CHLSN: variants seen among roughly 807,000 people sequenced by gnomAD.
CHLSN encodes the protein protein cholesin.
At chr7:1,002,473 T>C in the CHLSN span, among the ~76,000 whole-genome samples, 3 of 67,962 alleles carry the variant, frequency 4.4e-5, no homozygotes, top group Non-Finnish European at 8.5e-5. Context: ...GTGAGTGGAG[T>C]CCTGTGGGTG....
At chr7:1,087,444 AC>A in the CHLSN span, among the ~76,000 whole-genome samples, 1 of 152,258 alleles carries the variant, frequency 6.6e-6, no homozygotes, top group African/African-American at 2.4e-5. Context: ...TGTGTTTCAT[AC>A]ACACCTTATA....
chr7:1,007,706 T>A, the CHLSN span, among the ~76,000 whole-genome samples: 1 of 152,044 alleles, frequency 6.6e-6, no homozygotes. Context: ...TCCCCCCTCC[T>A]CCCACACGCA....
the CHLSN span, chr7:1,093,703 A>G: frequency 2.1e-6 from 1 of 468,524 alleles, no homozygotes; most frequent in African/African-American, 2.0e-5. Context: ...CAGAAATAAC[A>G]GCTGGGGACA....
the CHLSN span, among the ~76,000 whole-genome samples, chr7:1,097,265 A>C: frequency 6.6e-6 from 1 of 152,110 alleles, no homozygotes; most frequent in African/African-American, 2.4e-5. The surrounding 1 kb of genome is among the most constrained non-coding windows in gnomAD (Gnocchi z 4.3). Flanking sequence ...GAAATGGCTG[A>C]TTTGGGCCGG....
chr7:978,528 A>ACCCGCCACCTGCCACCC, the CHLSN span, among the ~76,000 whole-genome samples: 1 of 152,194 alleles, frequency 6.6e-6, no homozygotes, highest in Admixed American at 6.5e-5. Context: ...ACAAGAAAAA[A>ACCCGCCACCTGCCACCC]GGAAAAGCTC....
the CHLSN span, among the ~76,000 whole-genome samples, chr7:1,120,665 A>G: frequency 6.6e-6 from 1 of 152,256 alleles, no homozygotes; most frequent in Non-Finnish European, 1.5e-5. Context: ...ACGAAAGCAT[A>G]GAAAGTCACA....
chr7:1,064,309 C>T, the CHLSN span, among the ~76,000 whole-genome samples: 4 of 152,112 alleles, frequency 2.6e-5, no homozygotes, highest in Non-Finnish European at 5.9e-5. Flanking sequence ...GAACAGGCCC[C>T]GGAAAGACGC....
At chr7:1,113,209 CT>C in the CHLSN span, among the ~76,000 whole-genome samples, 792 of 144,496 alleles carry the variant, frequency 5.5e-3, no homozygotes, top group Admixed American at 5.4e-3. Flanking sequence ...GCCCCTCATG[CT>C]TTTTTTTTTT....
At chr7:1,070,687 C>G in the CHLSN span, among the ~76,000 whole-genome samples, 3 of 147,740 alleles carry the variant, frequency 2.0e-5, no homozygotes, top group African/African-American at 7.5e-5. Context: ...GTGCACGATA[C>G]ACATGCACAC....
At chr7:988,347 T>A in the CHLSN span, 2 of 1,612,622 alleles carry the variant, frequency 1.2e-6, no homozygotes, top group Non-Finnish European at 1.7e-6. Flanking sequence ...CCAGGCCAGT[T>A]CAACCCCGGC....
the CHLSN span, among the ~76,000 whole-genome samples, chr7:993,863 G>A: frequency 1.3e-5 from 2 of 151,982 alleles, no homozygotes; most frequent in Non-Finnish European, 2.9e-5. Flanking sequence ...ACTCTTGGTG[G>A]AGTGAGCAGA....
chr7:1,112,432 G>T, the CHLSN span, among the ~76,000 whole-genome samples: 1 of 152,216 alleles, frequency 6.6e-6, no homozygotes, highest in East Asian at 1.9e-4. Flanking sequence ...AGGTGGCTGG[G>T]ACGGCTACCC....
At chr7:1,004,296 AG>A in the CHLSN span, among the ~76,000 whole-genome samples, 2 of 152,036 alleles carry the variant, frequency 1.3e-5, no homozygotes, top group East Asian at 3.9e-4. Flanking sequence ...TTGGCATCTC[AG>A]CTCTGCCACT....
the CHLSN span, among the ~76,000 whole-genome samples, chr7:1,097,355 C>A: frequency 1.3e-5 from 2 of 152,116 alleles, no homozygotes; most frequent in Non-Finnish European, 2.9e-5. The surrounding 1 kb of genome is among the most constrained non-coding windows in gnomAD (Gnocchi z 4.3). Flanking sequence ...TCGGGTGACA[C>A]CCAAAGGACA....
chr7:989,095 A>G, the CHLSN span: 2 of 409,060 alleles, frequency 4.9e-6, no homozygotes, highest in Non-Finnish European at 8.6e-6. Context: ...CCACTCTCCC[A>G]CCCCTGAAGC....
chr7:1,088,243 A>C, the CHLSN span: 1 of 152,334 alleles, frequency 6.6e-6, no homozygotes, highest in Non-Finnish European at 1.5e-5. This position sits in a 1 kb window ranked among gnomAD's most constrained non-coding sequence, Gnocchi z 4.5. Flanking sequence ...CACCTCCTGC[A>C]GCGGGTTCCA....
chr7:1,017,213 C>G, the CHLSN span, among the ~76,000 whole-genome samples: 1 of 151,514 alleles, frequency 6.6e-6, no homozygotes, highest in Non-Finnish European at 1.5e-5. Flanking sequence ...CGTGCTGCAT[C>G]AAAGAATGGC....
the CHLSN span, among the ~76,000 whole-genome samples, chr7:996,598 T>G: frequency 5.0e-4 from 76 of 152,244 alleles, no homozygotes; most frequent in African/African-American, 1.8e-3. Flanking sequence ...GGAACAGACT[T>G]GGCCTCACAG....
chr7:1,049,766 A>T, the CHLSN span, among the ~76,000 whole-genome samples: 4 of 152,204 alleles, frequency 2.6e-5, no homozygotes, highest in Non-Finnish European at 5.9e-5. Context: ...GTGCTTTCTC[A>T]AAGTAGGAAA....
Sources: gnomAD v4.1 joint callset for allele counts (sites outside exome capture counted in the v4.1 genomes callset) on GRCh38, gnomAD v4.1.1 for gene constraint, Gnocchi (gnomAD v3.1) non-coding constraint, MANE v1.5 for transcripts, NCBI Gene and HGNC (gene_info 2026-07-23, HGNC 2026-07-21) for gene names.